STON2: variants seen among roughly 807,000 people sequenced by gnomAD.
The protein encoded by STON2 is stonin-2.
Under a neutral mutation model 65.7 loss-of-function variants are expected in STON2, and 29 were observed. The observed-to-expected ratio is 0.44, with a 90% confidence interval of 0.33 to 0.60. STON2 has a LOEUF of 0.60. STON2 is among the 20% of genes least tolerant of loss of function. The probability of loss-of-function intolerance (pLI) is 0.03; values close to 1 mark genes in which losing one functional copy is unlikely to be tolerated. For synonymous variants in STON2, 404 were observed against 414.2 expected, an observed-to-expected ratio of 0.98 and a Z score of 0.30; for missense variants, 1,054 against 1,118.1, an observed-to-expected ratio of 0.94 and a Z score of 0.82.
chr14:81,323,002 G>A (rs1202061619), intron 5 of STON2, among the ~76,000 whole-genome samples: 2 of 152,042 alleles, frequency 1.3e-5, no homozygotes, highest in Non-Finnish European at 2.9e-5. Context: ...TTCCCATACC[G>A]CCCTCCTATA....
intron 5 of STON2, among the ~76,000 whole-genome samples, chr14:81,305,342 C>T (rs901078175): frequency 1.4e-4 from 21 of 152,170 alleles, no homozygotes; most frequent in Admixed American, 4.6e-4. Flanking sequence ...TATATGTGTT[C>T]TGGTTGTTCT....
At chr14:81,315,509 A>G (rs1393643610) in intron 5 of STON2, among the ~76,000 whole-genome samples, 1 of 57,278 alleles carries the variant, frequency 1.7e-5, no homozygotes, top group Non-Finnish European at 3.9e-5. Flanking sequence ...TTTCCAACGT[A>G]GGCAGGTGAC....
chr14:81,275,021 T>A (rs1403728930), intron 6 of STON2, among the ~76,000 whole-genome samples: 3 of 131,520 alleles, frequency 2.3e-5, no homozygotes, highest in Admixed American at 1.5e-4. Context: ...CCAGAGCTAC[T>A]CTAGTGCTGT....
rs1894869283 is a variant in STON2 at position 81,277,200 on chromosome 14, T to C, written c.2282A>G (p.Gln761Arg). Residue 761 changes from glutamine to arginine, a missense_variant, in exon 6 of 8, where the codon CAG becomes CGG. Transcript: ENST00000614646. ...TSVNGAEVEV[Q>R]SWLRMSTGFS... ...GCCAGTTGACATCCTCAGCCAGCTC[T>C]GCACCTCCACCTCTGCCCCATTGAC... The C allele has an allele frequency of 1.9e-6, 3 of 1,614,206 alleles. No homozygotes were observed. In the South Asian group the frequency reaches 3.3e-5, roughly 18 times the overall value.
chr14:81,355,894 A>C (rs1020697568), intron 4 of STON2, among the ~76,000 whole-genome samples: 22 of 152,100 alleles, frequency 1.4e-4, no homozygotes, highest in African/African-American at 5.3e-4. Flanking sequence ...TTATCAGCTT[A>C]AGGAGATTTT....
At chr14:81,301,328 C>T (rs1380632177) in intron 5 of STON2, among the ~76,000 whole-genome samples, 1 of 152,194 alleles carries the variant, frequency 6.6e-6, no homozygotes, top group Non-Finnish European at 1.5e-5. Flanking sequence ...CACTACACAA[C>T]ACTGCCAGGT....
chr14:81,400,847 A>C (rs1301859764), upstream of STON2, among the ~76,000 whole-genome samples: 1 of 152,152 alleles, frequency 6.6e-6, no homozygotes, highest in African/African-American at 2.4e-5. Context: ...TTTAAGCTTC[A>C]GTTCAACCTT....
intron 7 of STON2, chr14:81,270,273 T>C (rs1009267834): frequency 6.9e-6 from 4 of 580,290 alleles, no homozygotes; most frequent in Middle Eastern, 1.7e-3. Context: ...TTTATAGAGA[T>C]GGGGTTTCGC....
At chr14:81,323,990 A>C (rs1234990738) in intron 5 of STON2, among the ~76,000 whole-genome samples, 27 bp downstream of exon 5, 1 of 152,196 alleles carries the variant, frequency 6.6e-6, no homozygotes, top group Non-Finnish European at 1.5e-5. Context: ...AAATGAATGA[A>C]GCGTTCCTGC....
At chr14:81,408,479 C>G (rs1348699662) in intron 2 of STON2, among the ~76,000 whole-genome samples, 1 of 152,180 alleles carries the variant, frequency 6.6e-6, no homozygotes, top group Admixed American at 6.5e-5. Flanking sequence ...TTCTTTTTCT[C>G]TTACAAGCAC....
chr14:81,264,301 A>T lies in STON2; in HGVS notation c.*4113T>A, dbSNP rs1274805563. On this transcript the variant is annotated 3_prime_UTR_variant, in exon 8 of 8. Coordinates refer to ENST00000614646, the MANE Select transcript of STON2 (RefSeq NM_001394390.1). ...GAGGCAGGAGTAAAAGGAAAGCAAA[A>T]TTATTTAAGTCCTTCAGGAAATAAA... 1.2e-5 allele frequency: 12 copies of T among 985,352 alleles called. No homozygotes were observed. Among genetic ancestry groups the T allele is most frequent in the Non-Finnish European group, 1.4e-5 (12 of 829,948 alleles). 61.0% of individuals were successfully genotyped at this position (985,352 alleles called of 1,614,324 possible). A position where few individuals can be genotyped will look rare whatever the true frequency, so the allele number is the denominator to read the frequency against.
intron 4 of STON2, among the ~76,000 whole-genome samples, chr14:81,327,400 A>G (rs1175487820): frequency 6.6e-6 from 1 of 152,086 alleles, no homozygotes; most frequent in African/African-American, 2.4e-5. Context: ...CATTTTGATC[A>G]TGGTATGATT....
chr14:81,316,947 G>A (rs559594869), intron 5 of STON2, among the ~76,000 whole-genome samples: 7 of 152,252 alleles, frequency 4.6e-5, no homozygotes, highest in African/African-American at 1.2e-4. Flanking sequence ...GTGAACCCGC[G>A]AGGCAGAGGT....
chr14:81,264,573 A>G lies in STON2; in HGVS notation c.*3841T>C, dbSNP rs1349369381. ...TATAGTCCTTGCCTTCATGGATCCC[A>G]TTTATCAGAAACATAAGTTTCTAGG... On this transcript the variant is annotated 3_prime_UTR_variant, in exon 8 of 8. Coordinates refer to ENST00000614646, the MANE Select transcript of STON2 (RefSeq NM_001394390.1). 1.3e-5 allele frequency: 13 copies of G among 984,644 alleles called. No homozygotes were observed. The highest frequency in any genetic ancestry group is 1.3e-5 in the Non-Finnish European group (11 of 829,338). 61.0% of individuals were successfully genotyped at this position (984,644 alleles called of 1,614,324 possible). A position where few individuals can be genotyped will look rare whatever the true frequency, so the allele number is the denominator to read the frequency against.
At chr14:81,391,945 G>T (rs1278619642) in intron 3 of STON2, among the ~76,000 whole-genome samples, 1 of 152,122 alleles carries the variant, frequency 6.6e-6, no homozygotes, top group Non-Finnish European at 1.5e-5. Context: ...TCATGCATTT[G>T]AACACTGTCA....
Position 81,267,154 on chromosome 14 carries a change from A to G in STON2, c.*1260T>C. On this transcript the variant is annotated 3_prime_UTR_variant, in exon 8 of 8. Coordinates refer to ENST00000614646, the MANE Select transcript of STON2 (RefSeq NM_001394390.1). ...TTCATGGGAGAAAACACTAAGATAC[A>G]AATAAGAAGCAGAGGTGAGTAGGAA... The G allele has an allele frequency of 1.0e-6, 1 of 985,418 alleles. No individual in the cohort carries two copies. Among genetic ancestry groups the G allele is most frequent in the Non-Finnish European group, 1.2e-6 (1 of 829,928 alleles). 61.0% of individuals were successfully genotyped at this position (985,418 alleles called of 1,614,324 possible).
At chr14:81,419,239 G>A (rs1255033624) in intron 2 of STON2, among the ~76,000 whole-genome samples, 1 of 152,126 alleles carries the variant, frequency 6.6e-6, no homozygotes. Context: ...ACAGCATCCT[G>A]ATATAAGCTG....
upstream of STON2, among the ~76,000 whole-genome samples, chr14:81,401,095 G>A (rs141351987): frequency 3.6e-3 from 545 of 152,322 alleles, 3 homozygotes; most frequent in Middle Eastern, 0.01. Flanking sequence ...GTTCGTAGAA[G>A]TCTTGGGACT....
At chr14:81,389,426 C>T (rs1259007972) in intron 3 of STON2, among the ~76,000 whole-genome samples, 1 of 152,226 alleles carries the variant, frequency 6.6e-6, no homozygotes, top group Non-Finnish European at 1.5e-5. Context: ...AAAGAGTTTG[C>T]TCAGTCTACA....
Sources: allele counts gnomAD v4.1 joint callset (sites outside exome capture counted in the v4.1 genomes callset), GRCh38; gene constraint gnomAD v4.1.1; transcripts MANE v1.5; gene names NCBI Gene and HGNC (gene_info 2026-07-23, HGNC 2026-07-21).